SLC38A10: variants seen among roughly 807,000 people sequenced by gnomAD.
The protein encoded by SLC38A10 is Sodium-coupled neutral amino acid transporter 10.
In SLC38A10, 53 loss-of-function variants were observed where a neutral mutation model predicts 81.0. That is an observed-to-expected ratio of 0.65 (90% CI 0.53 to 0.82). SLC38A10 has a LOEUF of 0.82. Among genes scored for constraint, SLC38A10 ranks in the 40% least tolerant of loss-of-function variants. SLC38A10 has a pLI of 0.00. For missense variants in SLC38A10, 1,471 were observed against 1,545.0 expected (o/e 0.95, Z 0.80); for synonymous variants, 665 against 655.3 (o/e 1.01, Z -0.23).
intron 2 of SLC38A10, chr17:81,285,832 A>G (rs994870737): frequency 6.6e-6 from 1 of 152,236 alleles, no homozygotes; most frequent in African/African-American, 2.4e-5. Flanking sequence ...GCTAGTAACT[A>G]TGAATGGGTC....
At chr17:81,292,009 T>TTCA (rs1555632286) in intron 1 of SLC38A10, among the ~76,000 whole-genome samples, 1 of 152,074 alleles carries the variant, frequency 6.6e-6, no homozygotes, top group Non-Finnish European at 1.5e-5. Flanking sequence ...CATATGAAAA[T>TTCA]TCATCAACAG....
Position 81,246,506 on chromosome 17 carries a change from C to A in SLC38A10, c.2410G>T (p.Glu804Ter). Residue 804 changes from glutamate to a stop codon, truncating the protein, a stop_gained, in exon 16 of 16, where the codon GAG becomes TAG. Transcript: ENST00000374759. LOFTEE classifies it low-confidence loss of function (END_TRUNC). ...CTGCCCACAGGCCCCTCAGAGTGCT[C>A]CAGGGAGCGCTGGTTAAGGTCCTGG... is the stretch of plus-strand genomic sequence containing the variant. ...PSQDLNQRSL[E>*]HSEGPVGRDP... is the part of the protein sequence containing the mutation. 1 of 1,533,980 alleles carries A rather than the reference C, an allele frequency of 6.5e-7. No homozygotes were observed. The highest frequency in any genetic ancestry group is 8.7e-7 in the Non-Finnish European group (1 of 1,143,262).
At position 81,253,079 on chromosome 17, in the gene SLC38A10, C is replaced by T; in HGVS notation, c.1450G>A (p.Gly484Arg). The T allele has an allele frequency of 6.2e-7, 1 of 1,612,944 alleles. No individual in the cohort carries two copies. Among genetic ancestry groups the T allele is most frequent in the Non-Finnish European group, 8.5e-7 (1 of 1,179,984 alleles). ...CCCAGCCAGTGCCCAGCACCTTGCC[C>T]AGGGCGATCGAGCTGTGCCTCCTCC... ...APEEAQLDRP[G>R]QGIAVPVGEA... The change falls in exon 12 of 16, where the codon GGG becomes AGG. Residue 484 changes from glycine (G) to arginine (R), a missense_variant. Coordinates refer to ENST00000374759, the MANE Select transcript of SLC38A10 (RefSeq NM_001037984.3). The surrounding 1 kb of genome is among the most constrained non-coding windows in gnomAD (Gnocchi z 4.1).
intron 14 of SLC38A10, chr17:81,250,986 AG>A (rs1257998958): frequency 2.2e-6 from 3 of 1,344,788 alleles, no homozygotes; most frequent in Non-Finnish European, 2.9e-6. Flanking sequence ...CCGAGGCCCG[AG>A]GGTGTGGGAG....
chr17:81,260,284 A>G lies in SLC38A10; in HGVS notation c.1242T>C (p.Leu414=). ...DLAEEAPGGR[L]GEAEGLMKVE... ...CCTTCATCAAACCCTCGGCCTCTCC[A>G]AGCCGGCCGCCAGGGGCTTCCTCTG... Residue 414 remains leucine (L), a synonymous_variant, in exon 11 of 16, where the codon CTT becomes CTC. Transcript: ENST00000374759. 1 of 1,606,420 alleles carries G rather than the reference A, an allele frequency of 6.2e-7. No homozygotes were observed. Among genetic ancestry groups the G allele is most frequent in the Non-Finnish European group, 8.5e-7 (1 of 1,177,442 alleles).
intron 8 of SLC38A10, 127 bp from the exon 9 acceptor site, chr17:81,272,754 T>A: frequency 5.4e-6 from 3 of 559,116 alleles, no homozygotes; most frequent in Non-Finnish European, 9.1e-6. Context: ...GGCCGCGCAC[T>A]CACCTGGCAG....
intron 11 of SLC38A10, among the ~76,000 whole-genome samples, chr17:81,259,267 A>G (rs1187041233): frequency 6.6e-6 from 1 of 152,216 alleles, no homozygotes; most frequent in African/African-American, 2.4e-5. Flanking sequence ...ACCCCCAGCC[A>G]GAGCCGGCAC....
At position 81,265,677 on chromosome 17, in the gene SLC38A10, C is replaced by T. The variant is rs577930313; in HGVS notation, c.1131+5241G>A. 2.2e-4 allele frequency among the ~76,000 whole-genome samples: 33 copies of T among 152,332 alleles called. No homozygotes were observed. Among genetic ancestry groups the T allele is most frequent in the African/African-American group, 6.5e-4 (27 of 41,576 alleles). On this transcript the variant is annotated intron_variant, in intron 10 of 15. Transcript: ENST00000374759. This position sits in a 1 kb window ranked among gnomAD's most constrained non-coding sequence, Gnocchi z 4.2. ...GCCAAGGCACAGATCCAGGCCTGTG[C>T]CCCTCCGTGGGCGCAGCCGGAGCCC...
chr17:81,265,396 A>T lies in SLC38A10; in HGVS notation c.1132-5002T>A, dbSNP rs913187588. ...GAGACTCTGTCTCAAAAAATAAAAA[A>T]AGAACAAAACACTTGGTGGCAAATG... On this transcript the variant is annotated intron_variant, in intron 10 of 15. Coordinates refer to ENST00000374759, the MANE Select transcript of SLC38A10 (RefSeq NM_001037984.3). This position sits in a 1 kb window ranked among gnomAD's most constrained non-coding sequence, Gnocchi z 4.2. The T allele has an allele frequency of 6.6e-6, 1 of 152,274 alleles. No homozygotes were observed. Among genetic ancestry groups the T allele is most frequent in the Non-Finnish European group, 1.5e-5 (1 of 68,066 alleles). The allele number at this position is 152,274 out of a possible 1,614,324, so 9.4% of individuals were successfully genotyped here.
chr17:81,283,272 G>C lies in SLC38A10; in HGVS notation c.357+137C>G. The C allele has an allele frequency of 1.4e-6, 1 of 731,312 alleles. No homozygotes were observed. The highest frequency in any genetic ancestry group is 2.9e-5 in the East Asian group (1 of 34,442). The allele number at this position is 731,312 out of a possible 1,614,324, so 45.3% of individuals were successfully genotyped here. ...CAGCAAAGCCCCCGCACTCCACCAA[G>C]CCCCTAGAATGACAGCAGGCTCGAC... On this transcript the variant is annotated intron_variant, in intron 4 of 15. Coordinates refer to ENST00000374759, the MANE Select transcript of SLC38A10 (RefSeq NM_001037984.3). This position sits in a 1 kb window ranked among gnomAD's most constrained non-coding sequence, Gnocchi z 4.7.
At chr17:81,269,595 T>C (rs1303984581) in intron 10 of SLC38A10, among the ~76,000 whole-genome samples, 1 of 150,626 alleles carries the variant, frequency 6.6e-6, no homozygotes, top group Non-Finnish European at 1.5e-5. Context: ...GGGGTGGGGG[T>C]GGATGTCAGT....
chr17:81,245,483 G>A lies in SLC38A10; in HGVS notation c.*73C>T. 6.7e-7 allele frequency: 1 copy of A among 1,499,536 alleles called. No homozygotes were observed. The highest frequency in any genetic ancestry group is 8.9e-7 in the Non-Finnish European group (1 of 1,125,368). 92.9% of individuals were successfully genotyped at this position (1,499,536 alleles called of 1,614,324 possible). A position where few individuals can be genotyped will look rare whatever the true frequency, so the allele number is the denominator to read the frequency against. ...GAGTGTGACCTCCAGAGTTTGGCTG[G>A]GATGCGGCTGAGACAGACCTGCTGC... On this transcript the variant is annotated 3_prime_UTR_variant, in exon 16 of 16. Transcript: ENST00000374759.
rs1231781257 is a variant in SLC38A10 at position 81,252,427 on chromosome 17, A to G, written c.1713T>C (p.Gly571=). ...PGQAQALEEA[G]DLPEDPQKVP... is the part of the protein sequence containing the mutation. ...CTTTCTGGGGATCTTCAGGAAGATC[A>G]CCCGCCTCCTCCAAGGCCTGGGCCT... The change falls in exon 13 of 16, where the codon GGT becomes GGC. Residue 571 remains glycine, a synonymous_variant. Coordinates refer to ENST00000374759, the MANE Select transcript of SLC38A10 (RefSeq NM_001037984.3). 9 of 1,612,574 alleles carry G rather than the reference A, an allele frequency of 5.6e-6. No individual in the cohort carries two copies. The highest frequency in any genetic ancestry group is 7.6e-6 in the Non-Finnish European group (9 of 1,179,920).
Position 81,281,644 on chromosome 17 carries a change from C to T in SLC38A10, c.501+545G>A, listed in dbSNP as rs541121088. On this transcript the variant is annotated intron_variant, in intron 5 of 15. Coordinates refer to ENST00000374759, the MANE Select transcript of SLC38A10 (RefSeq NM_001037984.3). This position sits in a 1 kb window ranked among gnomAD's most constrained non-coding sequence, Gnocchi z 5.3. ...AAAAAAAATTAGCCAGGTGTGGTGG[C>T]GGGCACCTGTAATCCCCGCTACTTG... Among the ~76,000 whole-genome samples the T allele has an allele frequency of 1.2e-4, 18 of 152,068 alleles. No homozygotes were observed. Among genetic ancestry groups the T allele is most frequent in the South Asian group, 4.2e-4 (2 of 4,818 alleles).
In SLC38A10 at chr17:81,286,961, C is replaced by T. The variant is rs766278264; in HGVS notation, c.218-2066G>A. Among the ~76,000 whole-genome samples, 1 of 152,110 alleles carries T rather than the reference C, an allele frequency of 6.6e-6. No homozygotes were observed. Among genetic ancestry groups the T allele is most frequent in the Non-Finnish European group, 1.5e-5 (1 of 68,020 alleles). ...CTCAGAACAGCTTCATGAGAAGCCG[C>T]GACAGCTGAAGGAGGCTGAATGACT... On this transcript the variant is annotated intron_variant, in intron 2 of 15. Transcript: ENST00000374759. This position sits in a 1 kb window ranked among gnomAD's most constrained non-coding sequence, Gnocchi z 6.0.
chr17:81,247,190 T>G (rs1028949359), intron 14 of SLC38A10, 129 bp from the exon 15 acceptor site: 2 of 919,778 alleles, frequency 2.2e-6, no homozygotes, highest in Non-Finnish European at 3.1e-6. Context: ...CACTGGCCAC[T>G]GGTGACACCC....
rs1231586355 is a variant in SLC38A10 at position 81,253,971 on chromosome 17, C to A, written c.1289-731G>T. ...TCGTCATCACCACCACCATCTCCAT[C>A]CCCACCACCATCGCTGCATCATTGC... On this transcript the variant is annotated intron_variant, in intron 11 of 15. Transcript: ENST00000374759. The surrounding 1 kb of genome is among the most constrained non-coding windows in gnomAD (Gnocchi z 4.1). 6.6e-6 allele frequency among the ~76,000 whole-genome samples: 1 copy of A among 151,718 alleles called. No homozygotes were observed. Among genetic ancestry groups the A allele is most frequent in the African/African-American group, 2.4e-5 (1 of 41,044 alleles).
Position 81,282,297 on chromosome 17 carries a change from G to A in SLC38A10, c.393C>T (p.Ala131=), listed in dbSNP as rs761994676. The A allele has an allele frequency of 1.6e-5, 26 of 1,613,120 alleles. No homozygotes were observed. Among genetic ancestry groups the A allele is most frequent in the African/African-American group, 9.3e-5 (7 of 74,932 alleles). Residue 131 remains alanine, a synonymous_variant, in exon 5 of 16, where the codon GCC becomes GCT. Coordinates refer to ENST00000374759, the MANE Select transcript of SLC38A10 (RefSeq NM_001037984.3). ...GCGGGAGCACGATGCACAGCGACAC[G>A]GCGAACAGCAGGAACATGCGGAAGG... ...GGTFRMFLLF[A]VSLCIVLPLS...
intron 14 of SLC38A10, chr17:81,250,118 CG>C (rs1448215933): frequency 2.3e-6 from 3 of 1,285,800 alleles, no homozygotes; most frequent in Admixed American, 2.3e-5. Context: ...GAGAGGCATA[CG>C]GAAGAAAGGC....
Sources: allele counts gnomAD v4.1 joint callset (sites outside exome capture counted in the v4.1 genomes callset), GRCh38; gene constraint gnomAD v4.1.1; non-coding constraint Gnocchi (gnomAD v3.1); transcripts MANE v1.5; gene names NCBI Gene and HGNC (gene_info 2026-07-23, HGNC 2026-07-21).